The following PCDH15 variants were observed in gnomAD, a reference collection of about 807,000 sequenced individuals.
PCDH15 encodes protocadherin related 15.
PCDH15 carries 129 observed loss-of-function variants against 178.5 expected under a neutral mutation model. The observed-to-expected ratio is 0.72, with a 90% CI of 0.63 to 0.84. The LOEUF is 0.84. PCDH15 is among the 40% of genes least tolerant of loss of function. PCDH15 has a pLI of 0.00. For synonymous variants in PCDH15, 800 were observed against 732.0 expected, an observed-to-expected ratio of 1.09 and a Z score of -1.50; for missense variants, 2,230 against 2,099.9, an observed-to-expected ratio of 1.06 and a Z score of -1.21.
intron 8 of PCDH15, among the ~76,000 whole-genome samples, chr10:54,314,133 A>ACACACG (rs2061081159): frequency 8.2e-5 from 1 of 12,124 alleles, no homozygotes; most frequent in African/African-American, 6.4e-4. Flanking sequence ...TTGGAAGTAC[A>ACACACG]CACACACACA....
intron 1 of PCDH15, among the ~76,000 whole-genome samples, chr10:54,738,040 G>T (rs1294683305): frequency 6.6e-6 from 1 of 152,038 alleles, no homozygotes; most frequent in Non-Finnish European, 1.5e-5. Flanking sequence ...GTCTGAGCAG[G>T]GGGTGAACTT....
At chr10:54,163,944 G>T (rs1013456425) in intron 13 of PCDH15, among the ~76,000 whole-genome samples, 1 of 152,122 alleles carries the variant, frequency 6.6e-6, no homozygotes, top group African/African-American at 2.4e-5. Flanking sequence ...GTAAGTATGG[G>T]CATTATCAAT....
At chr10:54,386,010 T>C (rs1949873773) in intron 3 of PCDH15, among the ~76,000 whole-genome samples, 2 of 152,176 alleles carry the variant, frequency 1.3e-5, no homozygotes, top group South Asian at 2.1e-4. Context: ...TTAATGTCTT[T>C]TTTAGCTTAT....
chr10:53,836,089 G>T (rs1169466683), intron 29 of PCDH15, among the ~76,000 whole-genome samples: 1 of 152,098 alleles, frequency 6.6e-6, no homozygotes. Flanking sequence ...TGGAAAAGAG[G>T]TATAAGCAAA....
intron 2 of PCDH15, among the ~76,000 whole-genome samples, chr10:55,355,793 T>A (rs1367013544): frequency 6.6e-6 from 1 of 152,066 alleles, no homozygotes; most frequent in African/African-American, 2.4e-5. Context: ...CACATTATAG[T>A]TTCCAACCCA....
chr10:54,503,264 T>TGTGTGTGTGTGTGTGTGTGTGA lies in PCDH15; in HGVS notation c.157+24547_157+24548insTCACACACACACACACACACAC, dbSNP rs35648214. Among the ~76,000 whole-genome samples the TGTGTGTGTGTGTGTGTGTGTGA allele has an allele frequency of 4.4e-4, 60 of 137,370 alleles. No individual in the cohort carries two copies. The East Asian group carries it at 7.1e-3, about 16-fold the overall frequency. The allele number at this position is 137,370 out of a possible 152,430, so 90.1% of individuals were successfully genotyped here. A position where few individuals can be genotyped will look rare whatever the true frequency, so the allele number is the denominator to read the frequency against. ...GTGTGTGTGTGTGTGTGTGTGTGTG[T>TGTGTGTGTGTGTGTGTGTGTGA]GATTATATATATTTATATATAATAT... is the stretch of plus-strand genomic sequence containing the variant. On this transcript the variant is annotated intron_variant, in intron 3 of 37. Transcript: ENST00000644397.
chr10:55,193,968 A>G (rs1005657607), intron 1 of PCDH15, among the ~76,000 whole-genome samples: 1 of 152,040 alleles, frequency 6.6e-6, no homozygotes, highest in East Asian at 1.9e-4. Flanking sequence ...TAATACTAAT[A>G]TTAGCTTATA....
chr10:55,341,949 A>C (rs546105486), intron 2 of PCDH15, among the ~76,000 whole-genome samples: 53 of 149,378 alleles, frequency 3.5e-4, no homozygotes, highest in Middle Eastern at 6.9e-3. Context: ...TCCCGGACAC[A>C]ACTTTTTTTT....
chr10:53,814,584 T>C (rs2075993525), intron 35 of PCDH15, among the ~76,000 whole-genome samples: 2 of 151,978 alleles, frequency 1.3e-5, no homozygotes, highest in African/African-American at 2.4e-5. Flanking sequence ...GGATAGGAAC[T>C]AGCAGAAGGA....
In PCDH15 at chr10:54,430,082, G is replaced by A. The variant is rs146304820; in HGVS notation, c.158-51140C>T. 2.6e-3 allele frequency among the ~76,000 whole-genome samples: 335 copies of A among 129,138 alleles called. 2 individuals carry two copies. The highest frequency in any genetic ancestry group is 8.8e-3 in the African/African-American group (294 of 33,430). The allele number at this position is 129,138 out of a possible 152,430, so 84.7% of individuals were successfully genotyped here. ...TTTTTTTTTTTTTTTTAAAGACAGA[G>A]CCTGGCTCTCTCACCCAGGCTGGAG... On this transcript the variant is annotated intron_variant, in intron 3 of 37. Transcript: ENST00000644397.
intron 3 of PCDH15, among the ~76,000 whole-genome samples, chr10:54,839,822 G>T (rs1211168384): frequency 6.6e-6 from 1 of 151,912 alleles, no homozygotes; most frequent in Admixed American, 6.6e-5. Flanking sequence ...GTATTTCTCA[G>T]CAGAAGCCTT....
intron 2 of PCDH15, among the ~76,000 whole-genome samples, chr10:54,959,979 T>C (rs1838599895): frequency 6.6e-6 from 1 of 152,150 alleles, no homozygotes; most frequent in Non-Finnish European, 1.5e-5. Flanking sequence ...GGAAAGATCA[T>C]AGTAGTAGTA....
At chr10:54,352,726 T>C (rs1455838627) in intron 5 of PCDH15, among the ~76,000 whole-genome samples, 1 of 152,168 alleles carries the variant, frequency 6.6e-6, no homozygotes, top group Non-Finnish European at 1.5e-5. Context: ...GTTAATATCA[T>C]TGATCTGATT....
intron 29 of PCDH15, 78 bp from the exon 30 acceptor site, chr10:53,831,611 A>G: frequency 1.9e-6 from 2 of 1,041,266 alleles, no homozygotes; most frequent in Non-Finnish European, 2.8e-6. Context: ...TTTTTGTAAG[A>G]TCTTTCAATA....
At chr10:54,624,554 G>A (rs764008010) in intron 2 of PCDH15, among the ~76,000 whole-genome samples, 1 of 152,220 alleles carries the variant, frequency 6.6e-6, no homozygotes, top group African/African-American at 2.4e-5. Context: ...CTGTTTAAAT[G>A]CTGGAATATG....
At chr10:54,357,039 C>A (rs906947411) in intron 5 of PCDH15, among the ~76,000 whole-genome samples, 1 of 152,070 alleles carries the variant, frequency 6.6e-6, no homozygotes, top group African/African-American at 2.4e-5. Flanking sequence ...CAATGACAAA[C>A]CCACAGCCAA....
chr10:55,523,018 ATAGT>A (rs1385399077), intron 2 of PCDH15, among the ~76,000 whole-genome samples: 1 of 151,702 alleles, frequency 6.6e-6, no homozygotes, highest in Non-Finnish European at 1.5e-5. Context: ...TACATAAAAC[ATAGT>A]TATTACAGTC....
chr10:54,431,662 A>G (rs1956983544), intron 3 of PCDH15, among the ~76,000 whole-genome samples: 1 of 152,200 alleles, frequency 6.6e-6, no homozygotes, highest in Admixed American at 6.5e-5. Context: ...CTGAATGGGG[A>G]AAACCTGAAA....
intron 2 of PCDH15, among the ~76,000 whole-genome samples, chr10:54,595,034 C>A (rs1353253574): frequency 6.6e-6 from 1 of 152,194 alleles, no homozygotes; most frequent in African/African-American, 2.4e-5. Context: ...CACACCATTG[C>A]CAGCAGGGCC....
Sources: gnomAD v4.1 joint callset for allele counts (sites outside exome capture counted in the v4.1 genomes callset) on GRCh38, gnomAD v4.1.1 for gene constraint, MANE v1.5 for transcripts, NCBI Gene and HGNC (gene_info 2026-07-23, HGNC 2026-07-21) for gene names.